ZNF385D: variants seen among roughly 807,000 people sequenced by gnomAD.
The protein encoded by ZNF385D is zinc finger protein 385D, also known as zinc finger protein 659.
ZNF385D carries 15 observed loss-of-function variants against 35.8 expected under a neutral mutation model. The ratio of observed to expected loss-of-function variants is 0.42; its 90% CI spans 0.28 to 0.64. The LOEUF (loss-of-function observed/expected upper bound fraction) is 0.64, where lower values mean the gene tolerates loss of function less well. Among genes scored for constraint, ZNF385D ranks in the 30% least tolerant of loss-of-function variants. The pLI is 0.23. For missense variants in ZNF385D, 474 were observed against 494.6 expected, an observed-to-expected ratio of 0.96 and a Z score of 0.39; for synonymous variants, 212 against 186.8, an observed-to-expected ratio of 1.13 and a Z score of -1.10.
chr3:22,245,852 T>G (rs1699748717), intron 2 of ZNF385D, among the ~76,000 whole-genome samples: 1 of 152,068 alleles, frequency 6.6e-6, no homozygotes, highest in Admixed American at 6.6e-5. Flanking sequence ...TGTGATTGGA[T>G]TTGACATGAA....
chr3:22,170,503 T>A (rs1255874825), intron 2 of ZNF385D, among the ~76,000 whole-genome samples: 1 of 152,194 alleles, frequency 6.6e-6, no homozygotes, highest in Non-Finnish European at 1.5e-5. Context: ...GGTTGGTCAG[T>A]ACATAACGCA....
intron 2 of ZNF385D, among the ~76,000 whole-genome samples, chr3:22,223,305 T>C (rs1211216841): frequency 6.6e-6 from 1 of 152,174 alleles, no homozygotes; most frequent in Non-Finnish European, 1.5e-5. Flanking sequence ...CGGTTGTTTG[T>C]TGTATAAGTT....
intron 3 of ZNF385D, among the ~76,000 whole-genome samples, chr3:21,931,358 G>C (rs1700998355): frequency 6.6e-6 from 1 of 152,122 alleles, no homozygotes; most frequent in Non-Finnish European, 1.5e-5. Context: ...ACATAAAATG[G>C]TATGATCACC....
intron 3 of ZNF385D, among the ~76,000 whole-genome samples, chr3:22,014,715 A>C (rs774335674): frequency 6.6e-6 from 1 of 152,154 alleles, no homozygotes; most frequent in Non-Finnish European, 1.5e-5. Context: ...ATATACAAGA[A>C]ATAAGAAAGT....
chr3:21,964,899 A>G (rs537819206), intron 3 of ZNF385D, among the ~76,000 whole-genome samples: 350 of 152,322 alleles, frequency 2.3e-3, no homozygotes, highest in Non-Finnish European at 4.2e-3. Context: ...GAGACTGTGA[A>G]ATATCCTCAG....
rs1395416736 is a variant in ZNF385D, at chr3:22,190,506, A to G, written c.107-21471T>C. Among the ~76,000 whole-genome samples the G allele has an allele frequency of 7.9e-5, 12 of 152,182 alleles. 1 individual carries two copies. On this transcript the variant is annotated intron_variant, in intron 2 of 5. Transcript: ENST00000494108. ...ATGTGTCAAGGAATTTGTCGTGGTC[A>G]CTGAATATAATGGCTAGCAGCCACA...
At chr3:21,482,719 A>G (rs1704724360) in intron 4 of ZNF385D, among the ~76,000 whole-genome samples, 1 of 152,060 alleles carries the variant, frequency 6.6e-6, no homozygotes, top group African/African-American at 2.4e-5. Context: ...CTTTGAATAA[A>G]CTCTTGCATG....
At chr3:22,273,230 G>A (rs1701267598) in intron 2 of ZNF385D, among the ~76,000 whole-genome samples, 1 of 151,920 alleles carries the variant, frequency 6.6e-6, no homozygotes, top group Non-Finnish European at 1.5e-5. Context: ...ATTTGTGTTT[G>A]GTCTTATTGA....
chr3:21,750,890 C>T lies in ZNF385D; in HGVS notation c.22+5G>A. 6.2e-7 allele frequency: 1 copy of T among 1,614,142 alleles called. No individual in the cohort carries two copies. Among genetic ancestry groups the T allele is most frequent in the Non-Finnish European group, 8.5e-7 (1 of 1,180,010 alleles). On this transcript the variant is annotated splice_donor_5th_base_variant and intron_variant, in intron 1 of 7. Coordinates refer to ENST00000281523, the MANE Select transcript of ZNF385D (RefSeq NM_024697.3). The stretch of plus-strand genomic sequence containing the variant: ...CAGAATTACATCATCAGAGTGAACA[C>T]TCACCAAAATACATTATGTTTCTCA...
At chr3:21,730,037 A>T (rs2068924873) in intron 1 of ZNF385D, among the ~76,000 whole-genome samples, 1 of 152,174 alleles carries the variant, frequency 6.6e-6, no homozygotes, top group Non-Finnish European at 1.5e-5. Flanking sequence ...TTGTTTTCCT[A>T]GTGCAACTAA....
At chr3:22,174,715 T>G (rs17010959) in intron 2 of ZNF385D, among the ~76,000 whole-genome samples, 4,164 of 152,156 alleles carry the variant, frequency 0.027, 105 homozygotes, top group South Asian at 0.12. Context: ...AAATCTAATC[T>G]AGAGATACTT....
intron 1 of ZNF385D, among the ~76,000 whole-genome samples, chr3:21,729,253 C>G (rs192697721): frequency 8.7e-4 from 133 of 152,134 alleles, no homozygotes; most frequent in African/African-American, 3.0e-3. Flanking sequence ...ATATAAGCAA[C>G]GAAAATTTTA....
intron 2 of ZNF385D, among the ~76,000 whole-genome samples, chr3:22,290,843 C>T (rs1175575363): frequency 2.0e-5 from 3 of 152,104 alleles, no homozygotes; most frequent in Admixed American, 2.0e-4. Flanking sequence ...CTGATGTCAT[C>T]CTACATGCGG....
intron 3 of ZNF385D, among the ~76,000 whole-genome samples, chr3:21,765,215 T>TGAGA (rs550977855): frequency 6.6e-6 from 1 of 150,810 alleles, no homozygotes; most frequent in Non-Finnish European, 1.5e-5. Flanking sequence ...TGTGTGTGTG[T>TGAGA]GTGAGAGAGA....
intron 3 of ZNF385D, among the ~76,000 whole-genome samples, chr3:21,910,045 A>G (rs1699886192): frequency 6.6e-6 from 1 of 151,408 alleles, no homozygotes; most frequent in South Asian, 2.1e-4. Context: ...ATTTCAAAGT[A>G]TGTATAGTCC....
intron 3 of ZNF385D, among the ~76,000 whole-genome samples, chr3:21,844,520 T>A (rs1695879238): frequency 6.6e-6 from 1 of 151,936 alleles, no homozygotes; most frequent in African/African-American, 2.4e-5. Context: ...ATTCTCTGAT[T>A]AGAAAACATT....
chr3:21,915,582 C>T (rs575834716), intron 3 of ZNF385D, among the ~76,000 whole-genome samples: 1 of 152,032 alleles, frequency 6.6e-6, no homozygotes, highest in Admixed American at 6.5e-5. Context: ...TACGGTAAAG[C>T]ATCTGGTTCA....
chr3:21,544,643 G>C (rs576835771), intron 3 of ZNF385D, among the ~76,000 whole-genome samples: 88 of 152,280 alleles, frequency 5.8e-4, no homozygotes, highest in African/African-American at 2.0e-3. Context: ...TGCAAATTGA[G>C]CATTGAAATA....
chr3:21,855,956 T>A (rs1244684265), intron 3 of ZNF385D, among the ~76,000 whole-genome samples: 1 of 152,004 alleles, frequency 6.6e-6, no homozygotes, highest in Non-Finnish European at 1.5e-5. Context: ...CTGGATGAAA[T>A]CTGTCTATCA....
Sources: allele counts gnomAD v4.1 joint callset (sites outside exome capture counted in the v4.1 genomes callset), GRCh38; gene constraint gnomAD v4.1.1; transcripts MANE v1.5; gene names NCBI Gene and HGNC (gene_info 2026-07-23, HGNC 2026-07-21).